WDR41: variants seen among roughly 807,000 people sequenced by gnomAD.
The protein encoded by WDR41 is WD repeat-containing protein 41.
In WDR41, 63 loss-of-function variants were observed where a neutral mutation model predicts 69.3. The observed-to-expected ratio is 0.91, with a 90% CI of 0.74 to 1.12. The LOEUF (loss-of-function observed/expected upper bound fraction) is 1.12. Ranked by LOEUF, WDR41 falls within the 50% of genes most tolerant of loss-of-function variation. WDR41 has a pLI of 0.00. For synonymous variants in WDR41, 185 were observed against 192.1 expected (o/e 0.96, Z 0.31); for missense variants, 543 against 534.5 (o/e 1.02, Z -0.16).
At chr5:77,512,631 T>C (rs887284021) in intron 1 of WDR41, among the ~76,000 whole-genome samples, 2 of 150,310 alleles carry the variant, frequency 1.3e-5, no homozygotes, top group Non-Finnish European at 2.9e-5. Flanking sequence ...GCACCTGTAG[T>C]CCCAGCTACT....
chr5:77,539,262 A>G (rs1743045159), intron 1 of WDR41, among the ~76,000 whole-genome samples: 1 of 152,214 alleles, frequency 6.6e-6, no homozygotes. Flanking sequence ...CCATCTGCAG[A>G]CAAAAGTGGA....
At chr5:77,554,864 A>G (rs1743363103) in intron 1 of WDR41, among the ~76,000 whole-genome samples, 1 of 152,042 alleles carries the variant, frequency 6.6e-6, no homozygotes, top group African/African-American at 2.4e-5. Context: ...CATGCCTGCA[A>G]TCCCAGCACT....
intron 1 of WDR41, among the ~76,000 whole-genome samples, chr5:77,504,490 T>C (rs1802075216): frequency 6.6e-6 from 1 of 151,982 alleles, no homozygotes; most frequent in South Asian, 2.1e-4. Flanking sequence ...TTCCAATCAA[T>C]AGAAAAAGAG....
chr5:77,616,639 C>T lies in WDR41; in HGVS notation c.42+3840G>A, dbSNP rs181973178. On this transcript the variant is annotated intron_variant, in intron 1 of 5. Transcript: ENST00000509971. ...GCATACACATACATTTACTTCAAGT[C>T]GTAGTTTCTCTCCTCTTGCACTCCT... Among the ~76,000 whole-genome samples, 37 of 152,284 alleles carry T rather than the reference C, an allele frequency of 2.4e-4. No individual in the cohort carries two copies. The South Asian group carries it at 5.0e-3, about 20-fold the overall frequency.
In WDR41 at chr5:77,610,911, A is replaced by G. The variant is rs569648823; in HGVS notation, c.42+9568T>C. On this transcript the variant is annotated intron_variant, in intron 1 of 5. Transcript: ENST00000509971. ...TCAGTGTGCTGTATTCAGGAAACCC[A>G]TCTCACGTGCAAAGACACACATAGG... Among the ~76,000 whole-genome samples the G allele has an allele frequency of 1.1e-3, 171 of 152,194 alleles. 2 individuals carry two copies. Among genetic ancestry groups the G allele is most frequent in the African/African-American group, 3.9e-3 (164 of 41,544 alleles).
chr5:77,432,138 C>T lies in WDR41; in HGVS notation c.*997G>A, dbSNP rs1295224758. Reference sequence around the variant, plus strand: ...ATTTGTAGTATATTTGTATAATGAACAAATAAATCTGTAGGTTTTCTGTAA... The same window carrying T: ...ATTTGTAGTATATTTGTATAATGAATAAATAAATCTGTAGGTTTTCTGTAA... On this transcript the variant is annotated 3_prime_UTR_variant, in exon 13 of 13. Coordinates refer to ENST00000296679, the MANE Select transcript of WDR41 (RefSeq NM_018268.4). 6.6e-6 allele frequency: 1 copy of T among 152,168 alleles called. No individual in the cohort carries two copies. Among genetic ancestry groups the T allele is most frequent in the African/African-American group, 2.4e-5 (1 of 41,438 alleles). The allele number at this position is 152,168 out of a possible 1,614,324, so 9.4% of individuals were successfully genotyped here.
intron 8 of WDR41, among the ~76,000 whole-genome samples, chr5:77,444,060 T>C (rs1799280940): frequency 6.6e-6 from 1 of 152,022 alleles, no homozygotes; most frequent in South Asian, 2.1e-4. Flanking sequence ...TTTGTATTTT[T>C]AGTAGTGACG....
In WDR41 at chr5:77,442,894, CAAAAAA is replaced by C. The variant is rs60442242; in HGVS notation, c.698-1903_698-1898del. On this transcript the variant is annotated intron_variant, in intron 8 of 12. Transcript: ENST00000296679. ...GCGACAGAGCGAGACTCTGTCTCCC[CAAAAAA>C]AAAAAAAAAAAAAGGATTTTTTTCC... Among the ~76,000 whole-genome samples the C allele has an allele frequency of 8.9e-5, 5 of 56,262 alleles. No individual in the cohort carries two copies. In the Admixed American group the frequency reaches 1.5e-3, roughly 17 times the overall value. 36.9% of individuals were successfully genotyped at this position (56,262 alleles called of 152,430 possible). A position where few individuals can be genotyped will look rare whatever the true frequency, so the allele number is the denominator to read the frequency against.
At position 77,492,045 on chromosome 5, in the gene WDR41, G is replaced by A. The variant is rs1472315887; in HGVS notation, c.51+125C>T. 1.7e-5 allele frequency: 21 copies of A among 1,215,186 alleles called. 1 individual carries two copies. The South Asian group carries it at 2.0e-4, about 12-fold the overall frequency. The allele number at this position is 1,215,186 out of a possible 1,614,324, so 75.3% of individuals were successfully genotyped here. ...CCGTCGTGAGAACAGCGCGTGGCAC[G>A]AGCTCAGCAGCCAGCCCCGCCTCCG... is the stretch of plus-strand genomic sequence containing the variant. On this transcript the variant is annotated intron_variant, in intron 1 of 12. Transcript: ENST00000296679.
At chr5:77,478,822 C>G (rs926030302) in intron 2 of WDR41, among the ~76,000 whole-genome samples, 1 of 150,966 alleles carries the variant, frequency 6.6e-6, no homozygotes, top group Non-Finnish European at 1.5e-5. Context: ...GAAGTTCTGG[C>G]CAGGGCAATT....
At chr5:77,541,487 C>CTTTT (rs11335010) in intron 1 of WDR41, among the ~76,000 whole-genome samples, 13 of 97,802 alleles carry the variant, frequency 1.3e-4, no homozygotes, top group African/African-American at 2.5e-4. Context: ...AAAAGGAATT[C>CTTTT]TTTTTTTTTT....
chr5:77,473,226 A>T (rs1168863846), intron 2 of WDR41, among the ~76,000 whole-genome samples: 3 of 152,214 alleles, frequency 2.0e-5, no homozygotes, highest in African/African-American at 7.2e-5. Flanking sequence ...GGTGCTGGGA[A>T]AACTGGCTAG....
upstream of WDR41, among the ~76,000 whole-genome samples, chr5:77,495,968 G>GA (rs1801927171): frequency 6.6e-6 from 1 of 151,982 alleles, no homozygotes; most frequent in Non-Finnish European, 1.5e-5. Flanking sequence ...TTCAGTATAA[G>GA]AAAATCAACC....
At chr5:77,478,502 G>C (rs1467863426) in intron 2 of WDR41, among the ~76,000 whole-genome samples, 1 of 152,144 alleles carries the variant, frequency 6.6e-6, no homozygotes, top group Non-Finnish European at 1.5e-5. Flanking sequence ...TCATCACTGG[G>C]ATGCAAGGCT....
Position 77,432,478 on chromosome 5 carries a change from AGTT to A in WDR41, c.*654_*656del, listed in dbSNP as rs1241710744. ...CTCATCCTTGGCGTACATGAGGGGC[AGTT>A]GTTGTTCTAGTACCCATTTAGCCCA... On this transcript the variant is annotated 3_prime_UTR_variant, in exon 13 of 13. Coordinates refer to ENST00000296679, the MANE Select transcript of WDR41 (RefSeq NM_018268.4). 1 of 152,460 alleles carries A rather than the reference AGTT, an allele frequency of 6.6e-6. No individual in the cohort carries two copies. Among genetic ancestry groups the A allele is most frequent in the Non-Finnish European group, 1.5e-5 (1 of 68,048 alleles). 9.4% of individuals were successfully genotyped at this position (152,460 alleles called of 1,614,324 possible). A position where few individuals can be genotyped will look rare whatever the true frequency, so the allele number is the denominator to read the frequency against.
chr5:77,614,606 T>C (rs1344832657), intron 1 of WDR41, among the ~76,000 whole-genome samples: 1 of 125,066 alleles, frequency 8.0e-6, no homozygotes, highest in Non-Finnish European at 1.6e-5. Context: ...TGAGAACACA[T>C]GGACACAGGA....
intron 1 of WDR41, among the ~76,000 whole-genome samples, chr5:77,532,260 AT>A (rs1802538662): frequency 6.6e-6 from 1 of 152,060 alleles, no homozygotes; most frequent in African/African-American, 2.4e-5. Flanking sequence ...TATGTTTGAA[AT>A]TTTTTATGAT....
intron 9 of WDR41, among the ~76,000 whole-genome samples, 171 bp downstream of exon 9, chr5:77,440,642 T>C (rs1454126006): frequency 6.6e-6 from 1 of 152,188 alleles, no homozygotes; most frequent in East Asian, 1.9e-4. Flanking sequence ...GAAGCAAAGA[T>C]TAAAATGCTT....
At chr5:77,571,595 G>A (rs1281917348) in intron 1 of WDR41, among the ~76,000 whole-genome samples, 3 of 152,140 alleles carry the variant, frequency 2.0e-5, no homozygotes, top group Non-Finnish European at 4.4e-5. Context: ...CCAAGTTTTT[G>A]CTGGAAATGA....
Sources: allele counts gnomAD v4.1 joint callset (sites outside exome capture counted in the v4.1 genomes callset), GRCh38; gene constraint gnomAD v4.1.1; transcripts MANE v1.5; gene names NCBI Gene and HGNC (gene_info 2026-07-23, HGNC 2026-07-21).